The following MAP2 variants were observed in gnomAD, a reference collection of about 807,000 sequenced individuals.
MAP2 encodes microtubule associated protein 2.
Under a neutral mutation model 137.6 loss-of-function variants are expected in MAP2, and 14 were observed. The ratio of observed to expected loss-of-function variants is 0.10; its 90% CI spans 0.07 to 0.16. MAP2 has a LOEUF of 0.16. Among genes scored for constraint, MAP2 ranks in the 10% least tolerant of loss-of-function variants. The pLI, the probability that MAP2 is intolerant of heterozygous loss-of-function variation, is 1.00. For synonymous variants in MAP2, 786 were observed against 782.3 expected (o/e 1.00, Z -0.08); for missense variants, 2,088 against 2,191.5 (o/e 0.95, Z 0.94).
intron 13 of MAP2, among the ~76,000 whole-genome samples, chr2:209,717,250 A>G (rs2068047507): frequency 6.6e-6 from 1 of 152,160 alleles, no homozygotes; most frequent in Non-Finnish European, 1.5e-5. Context: ...ATGGCAGAAT[A>G]GGAACTTTCA....
chr2:209,691,027 T>C (rs2058716867), intron 7 of MAP2, among the ~76,000 whole-genome samples: 1 of 152,200 alleles, frequency 6.6e-6, no homozygotes, highest in African/African-American at 2.4e-5. Context: ...GTGTGGCAGC[T>C]GGTTTTCCAG....
chr2:209,694,142 A>G lies in MAP2; in HGVS notation c.1972A>G (p.Arg658Gly). 1 of 1,614,136 alleles carries G rather than the reference A, an allele frequency of 6.2e-7. No homozygotes were observed. The change falls in exon 8 of 16, where the codon AGA becomes GGA. Residue 658 changes from arginine to glycine, a missense_variant. This residue lies in a region of MAP2 where 859 missense variants were observed against 794.5 expected (regional missense o/e 1.08). Transcript: ENST00000682079. ...TGAAGAACCCAGTTCTCCTCAAGAA[A>G]GAATGTTCACTATTGATCCAAAAGT... ...LPEEPSSPQE[R>G]MFTIDPKVYG...
At chr2:209,612,468 T>G (rs1320666294) in intron 3 of MAP2, among the ~76,000 whole-genome samples, 1 of 152,210 alleles carries the variant, frequency 6.6e-6, no homozygotes, top group African/African-American at 2.4e-5. Context: ...TCAAATTATT[T>G]AAGAGAAAAG....
chr2:209,464,191 G>C (rs1446649064), intron 1 of MAP2, among the ~76,000 whole-genome samples: 1 of 152,092 alleles, frequency 6.6e-6, no homozygotes, highest in Non-Finnish European at 1.5e-5. Flanking sequence ...CACTAAAATA[G>C]ATGATTATAT....
chr2:209,458,121 A>G (rs1376133944), intron 1 of MAP2, among the ~76,000 whole-genome samples: 2 of 152,158 alleles, frequency 1.3e-5, no homozygotes, highest in Non-Finnish European at 2.9e-5. Flanking sequence ...CTAAAATGCC[A>G]GAAATCCCAT....
At chr2:209,474,860 A>G (rs1418003007) in intron 1 of MAP2, among the ~76,000 whole-genome samples, 1 of 151,982 alleles carries the variant, frequency 6.6e-6, no homozygotes, top group Non-Finnish European at 1.5e-5. Flanking sequence ...AAACATATAT[A>G]TTTTTCTCAA....
In MAP2 at chr2:209,625,515, C is replaced by T. The variant is rs146147194; in HGVS notation, c.-30+386C>T. Reference sequence around the variant, plus strand: ...TTTACTTCTTACAACAGTTCTATGACGTAGATATGGGGATCATCCCCATTT... The same window carrying T: ...TTTACTTCTTACAACAGTTCTATGATGTAGATATGGGGATCATCCCCATTT... On this transcript the variant is annotated intron_variant, in intron 4 of 15. Transcript: ENST00000682079. Among the ~76,000 whole-genome samples, 154 of 152,118 alleles carry T rather than the reference C, an allele frequency of 1.0e-3. 1 individual carries two copies. Among genetic ancestry groups the T allele is most frequent in the African/African-American group, 3.5e-3 (144 of 41,504 alleles).
chr2:209,630,589 T>C (rs1015316579), intron 4 of MAP2, among the ~76,000 whole-genome samples: 1 of 152,030 alleles, frequency 6.6e-6, no homozygotes, highest in Admixed American at 6.6e-5. Flanking sequence ...CTATTAAAAA[T>C]CTCATGGTAC....
intron 3 of MAP2, among the ~76,000 whole-genome samples, chr2:209,619,669 A>G (rs1341980556): frequency 2.0e-5 from 3 of 152,154 alleles, no homozygotes; most frequent in Non-Finnish European, 4.4e-5. Flanking sequence ...ATTTAATCAG[A>G]GTCAGCATAA....
intron 2 of MAP2, among the ~76,000 whole-genome samples, chr2:209,578,065 AAG>A (rs1172526699): frequency 6.6e-6 from 1 of 152,174 alleles, no homozygotes; most frequent in Non-Finnish European, 1.5e-5. Context: ...AACAGAACAA[AAG>A]AGAGCAGGGA....
chr2:209,470,681 C>T (rs1705450742), intron 1 of MAP2, among the ~76,000 whole-genome samples: 2 of 152,020 alleles, frequency 1.3e-5, no homozygotes, highest in African/African-American at 4.8e-5. Context: ...ATCATAGCTC[C>T]CATGCACCAT....
At chr2:209,439,125 C>A (rs1278138818) in intron 1 of MAP2, among the ~76,000 whole-genome samples, 1 of 151,310 alleles carries the variant, frequency 6.6e-6, no homozygotes, top group Non-Finnish European at 1.5e-5. Flanking sequence ...TTCTCTAATT[C>A]CGAGGTTGGA....
intron 2 of MAP2, among the ~76,000 whole-genome samples, chr2:209,548,237 C>A (rs991006815): frequency 1.3e-5 from 2 of 152,100 alleles, no homozygotes; most frequent in African/African-American, 4.8e-5. Flanking sequence ...CTAAGGCAGT[C>A]CTACAAGGAA....
At chr2:209,527,446 A>G (rs982923002) in intron 2 of MAP2, among the ~76,000 whole-genome samples, 5 of 152,090 alleles carry the variant, frequency 3.3e-5, no homozygotes, top group African/African-American at 1.2e-4. Context: ...ATTTTCACGC[A>G]TACACCGATG....
chr2:209,644,394 A>G (rs538699175), intron 4 of MAP2, among the ~76,000 whole-genome samples: 23 of 152,230 alleles, frequency 1.5e-4, no homozygotes, highest in Non-Finnish European at 3.2e-4. Context: ...ACCGGAGCAT[A>G]TGAAATGGAG....
intron 3 of MAP2, among the ~76,000 whole-genome samples, chr2:209,610,230 G>C (rs894560991): frequency 6.6e-6 from 1 of 152,030 alleles, no homozygotes; most frequent in African/African-American, 2.4e-5. Context: ...CTGGCTATAG[G>C]AGCATGGCTT....
rs572409002 is a variant in MAP2 at position 209,605,690 on chromosome 2, T to C, written c.-106-19363T>C. 1.8e-4 allele frequency among the ~76,000 whole-genome samples: 28 copies of C among 152,284 alleles called. No homozygotes were observed. In the South Asian group the frequency reaches 5.8e-3, roughly 32 times the overall value. On this transcript the variant is annotated intron_variant, in intron 3 of 15. Transcript: ENST00000682079. ...GCACTTACTCAATTTTTCCTAGATT[T>C]TAAAAAACTATTGTGATACAGAAAT...
intron 1 of MAP2, among the ~76,000 whole-genome samples, chr2:209,454,111 C>G (rs1216486820): frequency 7.3e-6 from 1 of 136,344 alleles, no homozygotes; most frequent in Non-Finnish European, 1.5e-5. Context: ...AGATCGCGCT[C>G]TGCACTCCAT....
chr2:209,432,136 C>G, intron 1 of MAP2, among the ~76,000 whole-genome samples: 1 of 152,236 alleles, frequency 6.6e-6, no homozygotes, highest in South Asian at 2.1e-4. Context: ...CAGGTTGAAA[C>G]TTTTTTCTCA....
Sources: allele counts gnomAD v4.1 joint callset (sites outside exome capture counted in the v4.1 genomes callset), GRCh38; gene constraint gnomAD v4.1.1; regional missense constraint gnomAD v4.1.1; transcripts MANE v1.5; gene names NCBI Gene and HGNC (gene_info 2026-07-23, HGNC 2026-07-21).